PARN: variants seen among roughly 807,000 people sequenced by gnomAD.
PARN encodes poly(A)-specific ribonuclease PARN.
Under a neutral mutation model 102.8 loss-of-function variants are expected in PARN, and 71 were observed. The ratio of observed to expected loss-of-function variants is 0.69; its 90% confidence interval spans 0.57 to 0.84. PARN has a LOEUF of 0.84. Ranked by LOEUF, PARN falls within the 40% of genes least tolerant of loss-of-function variation. PARN has a pLI of 0.00. For synonymous variants in PARN, 261 were observed against 252.9 expected (o/e 1.03, Z -0.30); for missense variants, 782 against 760.9 (o/e 1.03, Z -0.33).
chr16:14,514,551 G>T (rs1328932704), intron 21 of PARN, among the ~76,000 whole-genome samples: 1 of 152,224 alleles, frequency 6.6e-6, no homozygotes, highest in Non-Finnish European at 1.5e-5. Flanking sequence ...TCATTTGATG[G>T]AGGTGAGGTG....
At chr16:14,491,426 ATCATAGTAGTTT>A (rs1403564333) in intron 21 of PARN, among the ~76,000 whole-genome samples, 2 of 152,060 alleles carry the variant, frequency 1.3e-5, no homozygotes, top group East Asian at 3.9e-4. Flanking sequence ...CCTAGGGTTT[ATCATAGTAGTTT>A]TCCAGGAATT....
intron 21 of PARN, among the ~76,000 whole-genome samples, chr16:14,502,681 C>T (rs915906945): frequency 3.9e-5 from 6 of 152,198 alleles, no homozygotes; most frequent in Non-Finnish European, 8.8e-5. Flanking sequence ...CTACTTGGTA[C>T]CTAGCAAATA....
chr16:14,618,966 G>A (rs899852884), intron 5 of PARN, among the ~76,000 whole-genome samples: 3 of 151,996 alleles, frequency 2.0e-5, no homozygotes, highest in African/African-American at 7.2e-5. Flanking sequence ...GAGGCCAAAT[G>A]AGGAAGATCG....
Position 14,551,211 on chromosome 16 carries a change from C to T in PARN, c.1480+810G>A, listed in dbSNP as rs572078222. Among the ~76,000 whole-genome samples the T allele has an allele frequency of 5.1e-4, 77 of 151,530 alleles. 1 individual carries two copies. Among genetic ancestry groups the T allele is most frequent in the African/African-American group, 1.7e-3 (72 of 41,412 alleles). ...CCTCCCTAAGTGCTGGGATTACAAGCGTGAGCCACCATGCCCAGCCTAGAA... is the reference window on the plus strand; with the variant it reads ...CCTCCCTAAGTGCTGGGATTACAAGTGTGAGCCACCATGCCCAGCCTAGAA... On this transcript the variant is annotated intron_variant, in intron 21 of 23. Coordinates refer to ENST00000437198, the MANE Select transcript of PARN (RefSeq NM_002582.4).
chr16:14,611,702 G>C (rs1234741699), intron 6 of PARN, among the ~76,000 whole-genome samples: 4 of 152,134 alleles, frequency 2.6e-5, no homozygotes, highest in African/African-American at 7.2e-5. Context: ...CATCACACCA[G>C]GCTAATTTTT....
chr16:14,519,197 T>C (rs1172792472), intron 21 of PARN, among the ~76,000 whole-genome samples: 1 of 150,600 alleles, frequency 6.6e-6, no homozygotes, highest in Non-Finnish European at 1.5e-5. Flanking sequence ...ATAGTCCTGA[T>C]GTTGTATCAG....
At chr16:14,514,461 C>T (rs546043201) in intron 21 of PARN, among the ~76,000 whole-genome samples, 2 of 152,176 alleles carry the variant, frequency 1.3e-5, no homozygotes, top group African/African-American at 4.8e-5. Context: ...GCTGGGATTA[C>T]AGGCATGAGC....
chr16:14,488,312 T>C (rs193292290), intron 21 of PARN, among the ~76,000 whole-genome samples: 18 of 152,324 alleles, frequency 1.2e-4, no homozygotes, highest in East Asian at 3.9e-4. Context: ...AGTGAGTATC[T>C]TTCTGAGCTT....
intron 21 of PARN, among the ~76,000 whole-genome samples, chr16:14,490,297 G>A (rs1377491513): frequency 6.6e-6 from 1 of 152,156 alleles, no homozygotes; most frequent in Non-Finnish European, 1.5e-5. Flanking sequence ...AAAGGGACTG[G>A]CCCAAGGTCC....
chr16:14,622,150 G>C (rs1171883079), intron 5 of PARN, among the ~76,000 whole-genome samples: 6 of 152,112 alleles, frequency 3.9e-5, no homozygotes, highest in Non-Finnish European at 8.8e-5. Context: ...CCAAGATAGT[G>C]CCACTGCACT....
chr16:14,593,300 C>G lies in PARN; in HGVS notation c.918+1G>C. The G allele has an allele frequency of 6.5e-7, 1 of 1,535,450 alleles. No homozygotes were observed. Among genetic ancestry groups the G allele is most frequent in the Non-Finnish European group, 9.0e-7 (1 of 1,108,694 alleles). On this transcript the variant is annotated splice_donor_variant, in intron 13 of 23. Transcript: ENST00000437198. LOFTEE classifies it high-confidence loss of function. The stretch of plus-strand genomic sequence containing the variant: ...TAAACACAGACCAACAGGTCACTTA[C>G]CGCAGGCAGAGGGCAGTAGAACTGA...
rs777646821 is a variant in PARN at position 14,630,089 on chromosome 16, T to C, written c.19+18A>G. The C allele has an allele frequency of 1.9e-6, 3 of 1,552,852 alleles. No homozygotes were observed. Among genetic ancestry groups the C allele is most frequent in the African/African-American group, 1.4e-5 (1 of 73,278 alleles). ...AGCCGGGTGTGGGGAGGCGGGGAGGTGTACGGCGGACACGCACTGCTCCTG... is the reference window on the plus strand; with the variant it reads ...AGCCGGGTGTGGGGAGGCGGGGAGGCGTACGGCGGACACGCACTGCTCCTG... On this transcript the variant is annotated intron_variant, in intron 1 of 23. Transcript: ENST00000437198.
chr16:14,588,749 G>A, intron 13 of PARN, among the ~76,000 whole-genome samples: 1 of 152,098 alleles, frequency 6.6e-6, no homozygotes, highest in East Asian at 1.9e-4. Context: ...AGATGTGGTG[G>A]CGTACACCTG....
intron 18 of PARN, among the ~76,000 whole-genome samples, chr16:14,564,505 T>A (rs1968306790): frequency 6.6e-6 from 1 of 152,068 alleles, no homozygotes; most frequent in Non-Finnish European, 1.5e-5. Context: ...GCATGGGGCT[T>A]GCCAGGCACA....
intron 21 of PARN, among the ~76,000 whole-genome samples, chr16:14,507,523 C>T (rs1271951255): frequency 6.6e-6 from 1 of 151,418 alleles, no homozygotes; most frequent in African/African-American, 2.4e-5. Flanking sequence ...ATGGCAAAAC[C>T]GTCTCTATTA....
intron 18 of PARN, 130 bp from the exon 19 acceptor site, chr16:14,555,839 G>A (rs1967650655): frequency 6.2e-6 from 3 of 481,516 alleles, no homozygotes; most frequent in Non-Finnish European, 1.1e-5. Flanking sequence ...GAAGATCCTT[G>A]ATATCACTCT....
intron 22 of PARN, among the ~76,000 whole-genome samples, chr16:14,460,762 T>C (rs1961919287): frequency 6.6e-6 from 1 of 152,228 alleles, no homozygotes; most frequent in African/African-American, 2.4e-5. Context: ...TATAATGATA[T>C]AGATCAATGA....
intron 6 of PARN, among the ~76,000 whole-genome samples, chr16:14,613,140 T>A (rs984057809): frequency 6.6e-6 from 1 of 151,298 alleles, no homozygotes; most frequent in Non-Finnish European, 1.5e-5. Context: ...AGAAACCCTG[T>A]CTCTACTAAA....
chr16:14,521,743 G>A (rs1965745104), intron 21 of PARN, among the ~76,000 whole-genome samples: 1 of 151,580 alleles, frequency 6.6e-6, no homozygotes, highest in African/African-American at 2.4e-5. Flanking sequence ...TGGTGGTTGT[G>A]GTAAACCAAG....
Sources: allele counts gnomAD v4.1 joint callset (sites outside exome capture counted in the v4.1 genomes callset), GRCh38; gene constraint gnomAD v4.1.1; transcripts MANE v1.5; gene names NCBI Gene and HGNC (gene_info 2026-07-23, HGNC 2026-07-21).